The following CCDC73 variants were observed in gnomAD, a reference collection of about 807,000 sequenced individuals.
CCDC73 encodes the protein coiled-coil domain-containing protein 73.
CCDC73 carries 95 observed loss-of-function variants against 116.5 expected under a neutral mutation model. The ratio of observed to expected loss-of-function variants is 0.82; its 90% CI spans 0.69 to 0.97. The LOEUF (loss-of-function observed/expected upper bound fraction) is 0.97, where lower values mean the gene tolerates loss of function less well. CCDC73 is among the 50% of genes least tolerant of loss of function. The pLI, the probability that CCDC73 is intolerant of heterozygous loss-of-function variation, is 0.00. For missense variants in CCDC73, 1,066 were observed against 1,206.8 expected (o/e 0.88, Z 1.73); for synonymous variants, 398 against 401.3 (o/e 0.99, Z 0.10).
chr11:32,675,492 C>T (rs1486039960), intron 9 of CCDC73, 73 bp downstream of exon 9: 6 of 926,484 alleles, frequency 6.5e-6, no homozygotes, highest in Non-Finnish European at 9.6e-6. Context: ...CCCAACTGTC[C>T]TCTAGTAATA....
intron 2 of CCDC73, among the ~76,000 whole-genome samples, chr11:32,741,532 A>G (rs1465006760): frequency 6.6e-6 from 1 of 152,038 alleles, no homozygotes; most frequent in Non-Finnish European, 1.5e-5. Flanking sequence ...TTTGCATGGA[A>G]TATCTTTTTC....
At chr11:32,617,928 G>A (rs1230129220) in intron 14 of CCDC73, among the ~76,000 whole-genome samples, 1 of 152,072 alleles carries the variant, frequency 6.6e-6, no homozygotes, top group African/African-American at 2.4e-5. Context: ...GTGCAGGTTG[G>A]TTACATGGCT....
At chr11:32,608,889 G>T (rs1855387649) in intron 17 of CCDC73, among the ~76,000 whole-genome samples, 1 of 152,172 alleles carries the variant, frequency 6.6e-6, no homozygotes, top group Non-Finnish European at 1.5e-5. Flanking sequence ...ACCCTCTGAA[G>T]CAATGGCCCA....
chr11:32,675,796 A>G (rs1856082032), intron 8 of CCDC73, 90 bp downstream of exon 8: 4 of 1,242,298 alleles, frequency 3.2e-6, no homozygotes, highest in Non-Finnish European at 4.5e-6. Context: ...TATTATCAGT[A>G]TTATCATAGA....
chr11:32,639,161 C>G (rs1219428024), intron 13 of CCDC73, among the ~76,000 whole-genome samples: 1 of 149,814 alleles, frequency 6.7e-6, no homozygotes, highest in African/African-American at 2.5e-5. Flanking sequence ...CGACACCCCC[C>G]CCAAAAAATC....
At chr11:32,671,099 T>G (rs1468513274) in intron 9 of CCDC73, among the ~76,000 whole-genome samples, 4 of 152,176 alleles carry the variant, frequency 2.6e-5, no homozygotes, top group African/African-American at 9.7e-5. Context: ...AAGCTATTAG[T>G]GCAGCAAATA....
chr11:32,726,135 C>A (rs1431328057), intron 2 of CCDC73, among the ~76,000 whole-genome samples: 2 of 152,186 alleles, frequency 1.3e-5, no homozygotes, highest in African/African-American at 4.8e-5. Context: ...ATTTCCTTTA[C>A]AACTTTTCAT....
chr11:32,782,549 A>G (rs1216454924), intron 1 of CCDC73, among the ~76,000 whole-genome samples: 1 of 152,234 alleles, frequency 6.6e-6, no homozygotes, highest in Non-Finnish European at 1.5e-5. Context: ...AATACAGAGC[A>G]AAGAGTGAAA....
intron 12 of CCDC73, among the ~76,000 whole-genome samples, chr11:32,647,896 T>C (rs940726397): frequency 6.6e-6 from 1 of 151,848 alleles, no homozygotes; most frequent in Non-Finnish European, 1.5e-5. Context: ...CACATCATAG[T>C]TAATTTCAAA....
intron 3 of CCDC73, among the ~76,000 whole-genome samples, chr11:32,717,272 TG>T (rs1239037021): frequency 5.3e-5 from 8 of 152,210 alleles, no homozygotes; most frequent in Non-Finnish European, 1.2e-4. Flanking sequence ...TGGAACAGCA[TG>T]AGAAGCACTA....
At chr11:32,626,810 T>C (rs1437090135) in intron 14 of CCDC73, among the ~76,000 whole-genome samples, 2 of 152,166 alleles carry the variant, frequency 1.3e-5, no homozygotes, top group East Asian at 1.9e-4. Context: ...TTACACCTTA[T>C]ACAAAAATTA....
intron 2 of CCDC73, among the ~76,000 whole-genome samples, chr11:32,752,782 G>C (rs1850297555): frequency 6.6e-6 from 1 of 151,810 alleles, no homozygotes; most frequent in African/African-American, 2.4e-5. Flanking sequence ...TTATTGTTTT[G>C]CATGTTGCAA....
At chr11:32,796,127 C>G (rs528452909), upstream of CCDC73, among the ~76,000 whole-genome samples, 1 of 152,196 alleles carries the variant, frequency 6.6e-6, no homozygotes, top group South Asian at 2.1e-4. Flanking sequence ...TAGTAACACC[C>G]ATGCACATCC....
chr11:32,694,138 G>C (rs143141697), intron 6 of CCDC73, among the ~76,000 whole-genome samples: 5,450 of 152,286 alleles, frequency 0.036, 121 homozygotes, highest in Non-Finnish European at 0.052. Context: ...CCTGTTTCCA[G>C]ATGACATGAT....
chr11:32,741,153 G>A (rs1850180051), intron 2 of CCDC73, among the ~76,000 whole-genome samples: 1 of 152,056 alleles, frequency 6.6e-6, no homozygotes, highest in African/African-American at 2.4e-5. Context: ...TGCAGCTATT[G>A]GATGAAATGT....
intron 9 of CCDC73, among the ~76,000 whole-genome samples, chr11:32,667,049 C>T (rs555851149): frequency 4.6e-5 from 7 of 152,250 alleles, no homozygotes; most frequent in East Asian, 1.9e-4. Context: ...CACGGTCGGC[C>T]GTGTGAGGTG....
chr11:32,732,597 G>T (rs1198712055), intron 2 of CCDC73, among the ~76,000 whole-genome samples: 1 of 152,204 alleles, frequency 6.6e-6, no homozygotes, highest in Non-Finnish European at 1.5e-5. Context: ...AGCCAGAAGA[G>T]AGTGGGGGCC....
chr11:32,612,778 CAT>C (rs1397658823), intron 16 of CCDC73, among the ~76,000 whole-genome samples: 1 of 151,892 alleles, frequency 6.6e-6, no homozygotes, highest in Non-Finnish European at 1.5e-5. Flanking sequence ...AAAACAAAAA[CAT>C]AGACAGCCAT....
chr11:32,626,770 C>T (rs1430239202), intron 14 of CCDC73, among the ~76,000 whole-genome samples: 8 of 152,090 alleles, frequency 5.3e-5, no homozygotes, highest in South Asian at 4.1e-4. Flanking sequence ...TGGCTAGCCA[C>T]ATGTAGAAAG....
Sources: allele counts gnomAD v4.1 joint callset (sites outside exome capture counted in the v4.1 genomes callset), GRCh38; gene constraint gnomAD v4.1.1; transcripts MANE v1.5; gene names NCBI Gene and HGNC (gene_info 2026-07-23, HGNC 2026-07-21).